The following MACROD2 variants were observed in gnomAD, a reference collection of about 807,000 sequenced individuals.
The protein encoded by MACROD2 is ADP-ribose glycohydrolase MACROD2.
A neutral mutation model predicts 70.4 loss-of-function variants in MACROD2; 36 were observed. That is an observed-to-expected ratio of 0.51 (90% confidence interval 0.39 to 0.68). The LOEUF is 0.68. Among genes scored for constraint, MACROD2 ranks in the 30% least tolerant of loss-of-function variants. MACROD2 has a pLI of 0.00. For synonymous variants in MACROD2, 172 were observed against 178.8 expected (o/e 0.96, Z 0.30); for missense variants, 496 against 538.4 (o/e 0.92, Z 0.78).
At chr20:15,677,436 C>G (rs6043428) in intron 8 of MACROD2, among the ~76,000 whole-genome samples, 1 of 152,028 alleles carries the variant, frequency 6.6e-6, no homozygotes, top group Admixed American at 6.6e-5. Context: ...ACATGTGTGG[C>G]CATCACTTAT....
chr20:15,829,704 C>A (rs1443475125), intron 8 of MACROD2, among the ~76,000 whole-genome samples: 2 of 152,112 alleles, frequency 1.3e-5, no homozygotes, highest in Non-Finnish European at 2.9e-5. Context: ...GCCAGAGACA[C>A]AGAGAAAGCA....
intron 4 of MACROD2, among the ~76,000 whole-genome samples, chr20:14,529,817 A>G (rs371108676): frequency 5.3e-5 from 8 of 152,334 alleles, no homozygotes; most frequent in African/African-American, 1.9e-4. Flanking sequence ...TTTTAATATT[A>G]GTATATCAAT....
At chr20:15,971,594 A>G (rs904169481) in intron 13 of MACROD2, among the ~76,000 whole-genome samples, 9 of 152,274 alleles carry the variant, frequency 5.9e-5, no homozygotes, top group African/African-American at 1.9e-4. Context: ...ATGAAAATAG[A>G]CTAATACATT....
intron 5 of MACROD2, among the ~76,000 whole-genome samples, chr20:14,789,803 A>C (rs1426308678): frequency 6.6e-6 from 1 of 151,936 alleles, no homozygotes; most frequent in African/African-American, 2.4e-5. Flanking sequence ...ATGCAAACTT[A>C]TAAACCACCC....
intron 5 of MACROD2, among the ~76,000 whole-genome samples, chr20:14,846,480 G>A (rs2073142202): frequency 6.6e-6 from 1 of 151,316 alleles, no homozygotes; most frequent in Non-Finnish European, 1.5e-5. Flanking sequence ...CATTATATAA[G>A]GTAGACTTTA....
intron 5 of MACROD2, among the ~76,000 whole-genome samples, chr20:15,189,789 A>G (rs1041261385): frequency 2.0e-5 from 3 of 152,226 alleles, no homozygotes; most frequent in African/African-American, 7.2e-5. Flanking sequence ...AATAAATGAG[A>G]AAGATGGAAT....
At chr20:14,229,047 T>C (rs1233480121) in intron 3 of MACROD2, among the ~76,000 whole-genome samples, 1 of 151,394 alleles carries the variant, frequency 6.6e-6, no homozygotes, top group Non-Finnish European at 1.5e-5. Context: ...AGTGTCAGTA[T>C]TGCTAGGATG....
At chr20:15,305,521 T>C (rs2077689132) in intron 6 of MACROD2, among the ~76,000 whole-genome samples, 1 of 152,126 alleles carries the variant, frequency 6.6e-6, no homozygotes, top group Non-Finnish European at 1.5e-5. Flanking sequence ...TCTATCCCAA[T>C]CACAAGTCCA....
At chr20:14,382,112 A>T (rs1331388788) in intron 3 of MACROD2, among the ~76,000 whole-genome samples, 1 of 137,984 alleles carries the variant, frequency 7.2e-6, no homozygotes, top group East Asian at 2.1e-4. Flanking sequence ...CCCAAGCTGG[A>T]GTGCAGTGGT....
intron 6 of MACROD2, among the ~76,000 whole-genome samples, chr20:15,321,751 T>C (rs1407479254): frequency 6.9e-6 from 1 of 144,438 alleles, no homozygotes; most frequent in East Asian, 2.0e-4. Flanking sequence ...CATTTGCATG[T>C]ATAATGTATG....
chr20:14,632,985 C>G (rs1217152043), intron 4 of MACROD2, among the ~76,000 whole-genome samples: 1 of 152,252 alleles, frequency 6.6e-6, no homozygotes, highest in Non-Finnish European at 1.5e-5. Flanking sequence ...TTTTCTCTCA[C>G]TGTTCTGGAG....
chr20:14,395,369 A>G (rs2083570406), intron 3 of MACROD2, among the ~76,000 whole-genome samples: 1 of 152,216 alleles, frequency 6.6e-6, no homozygotes, highest in East Asian at 1.9e-4. Context: ...AATTTGTCAA[A>G]TTTAGGGGAA....
At chr20:14,655,230 T>C (rs755154580) in intron 4 of MACROD2, among the ~76,000 whole-genome samples, 15 of 151,978 alleles carry the variant, frequency 9.9e-5, no homozygotes, top group African/African-American at 1.7e-4. Flanking sequence ...TCTAAAAGAG[T>C]GTAGCTCTAC....
intron 6 of MACROD2, among the ~76,000 whole-genome samples, chr20:15,397,385 T>G (rs1173934880): frequency 1.3e-5 from 2 of 152,178 alleles, no homozygotes; most frequent in Non-Finnish European, 2.9e-5. Context: ...AGCCTCAACC[T>G]TCAGGGCTCA....
rs1361029281 is a variant in MACROD2 at position 14,326,055 on chromosome 20, G to A, written c.272-167424G>A. On this transcript the variant is annotated intron_variant, in intron 3 of 17. Coordinates refer to ENST00000684519, the MANE Select transcript of MACROD2 (RefSeq NM_001351661.2). This position sits in a 1 kb window ranked among gnomAD's most constrained non-coding sequence, Gnocchi z 5.5. Reference sequence around the variant, plus strand: ...TTTCATCAAATAGGTAGAGGTTGCTGGTTTCCATGGGAACCATGCATACTT... The same window carrying A: ...TTTCATCAAATAGGTAGAGGTTGCTAGTTTCCATGGGAACCATGCATACTT... The A allele has an allele frequency of 6.2e-7, 1 of 1,613,796 alleles. No individual in the cohort carries two copies. The highest frequency in any genetic ancestry group is 2.2e-5 in the East Asian group (1 of 44,880).
intron 5 of MACROD2, among the ~76,000 whole-genome samples, chr20:14,918,500 C>A (rs2074120519): frequency 6.6e-6 from 1 of 152,046 alleles, no homozygotes; most frequent in South Asian, 2.1e-4. Flanking sequence ...CCATGGTTTG[C>A]ATGTAGGTCA....
intron 5 of MACROD2, among the ~76,000 whole-genome samples, chr20:14,722,975 C>T (rs921995223): frequency 3.9e-5 from 6 of 152,150 alleles, no homozygotes; most frequent in Non-Finnish European, 7.4e-5. Context: ...ATCATGGCCA[C>T]CAGATATATT....
intron 5 of MACROD2, among the ~76,000 whole-genome samples, chr20:14,940,740 A>T (rs1358269305): frequency 6.6e-6 from 1 of 152,154 alleles, no homozygotes; most frequent in Non-Finnish European, 1.5e-5. Flanking sequence ...CCCTGGGATG[A>T]ATTCCACCTG....
In MACROD2 at chr20:15,114,388, C is replaced by T. The variant is rs969121963; in HGVS notation, c.419-115552C>T. Reference sequence around the variant, plus strand: ...ATCTTAGCCAGCTGGAAGAGAGATTCTTTTGTTGGTCTTGAAGCTGCCATA... The same window carrying T: ...ATCTTAGCCAGCTGGAAGAGAGATTTTTTTGTTGGTCTTGAAGCTGCCATA... On this transcript the variant is annotated intron_variant, in intron 5 of 17. Transcript: ENST00000684519. Among the ~76,000 whole-genome samples, 10 of 152,270 alleles carry T rather than the reference C, an allele frequency of 6.6e-5. No individual in the cohort carries two copies. The South Asian group carries it at 8.3e-4, about 13-fold the overall frequency.
Sources: gnomAD v4.1 joint callset for allele counts (sites outside exome capture counted in the v4.1 genomes callset) on GRCh38, gnomAD v4.1.1 for gene constraint, Gnocchi (gnomAD v3.1) non-coding constraint, MANE v1.5 for transcripts, NCBI Gene and HGNC (gene_info 2026-07-23, HGNC 2026-07-21) for gene names.